COL18A1: variants seen among roughly 807,000 people sequenced by gnomAD.
COL18A1 encodes collagen alpha-1(XVIII) chain.
A neutral mutation model predicts 168.0 loss-of-function variants in COL18A1; 133 were observed. The observed-to-expected ratio is 0.79, with a 90% CI of 0.69 to 0.91. COL18A1 has a LOEUF of 0.91. Ranked by LOEUF, COL18A1 falls within the 40% of genes least tolerant of loss-of-function variation. The pLI is 0.00. For synonymous variants in COL18A1, 949 were observed against 809.0 expected, an observed-to-expected ratio of 1.17 and a Z score of -2.94; for missense variants, 2,126 against 1,925.4, an observed-to-expected ratio of 1.10 and a Z score of -1.95.
chr21:45,467,472 A>G lies in COL18A1; in HGVS notation c.107-770A>G, dbSNP rs1030010022. The G allele has an allele frequency of 7.2e-6, 7 of 974,784 alleles. No homozygotes were observed. In the African/African-American group the frequency reaches 1.2e-4, roughly 17 times the overall value. 60.4% of individuals were successfully genotyped at this position (974,784 alleles called of 1,614,324 possible). ...AGGGGTGATTGTGGCCCCGAGGGGA[A>G]TCAGCATGGGGGGGATGGGGAGATA... On this transcript the variant is annotated intron_variant, in intron 2 of 41. Transcript: ENST00000651438.
intron 2 of COL18A1, among the ~76,000 whole-genome samples, chr21:45,465,873 G>A (rs961592214): frequency 6.6e-6 from 1 of 152,216 alleles, no homozygotes; most frequent in Non-Finnish European, 1.5e-5. Context: ...TCGGAGCCAC[G>A]GTGGCCGTGA....
chr21:45,414,696 G>A (rs569741866), intron 2 of COL18A1, among the ~76,000 whole-genome samples: 1 of 152,360 alleles, frequency 6.6e-6, no homozygotes, highest in East Asian at 1.9e-4. Context: ...TGAGAGGGCA[G>A]ACAGATGGAC....
chr21:45,476,261 G>T (rs552194957), intron 5 of COL18A1, 90 bp from the exon 6 acceptor site: 28 of 1,573,220 alleles, frequency 1.8e-5, no homozygotes, highest in Admixed American at 5.1e-5. Flanking sequence ...TCTTTCTTGC[G>T]ATCTTAAGTA....
chr21:45,444,233 G>T (rs142762620), intron 2 of COL18A1, among the ~76,000 whole-genome samples: 2 of 152,104 alleles, frequency 1.3e-5, no homozygotes, highest in Non-Finnish European at 2.9e-5. Context: ...GTTCTCCAGC[G>T]CATCTTCAGT....
chr21:45,482,665 CTA>C, intron 14 of COL18A1, 128 bp from the exon 15 acceptor site: 1 of 1,383,092 alleles, frequency 7.2e-7, no homozygotes. Flanking sequence ...GCCTCAGAAA[CTA>C]TTAAACCGGC....
rs754075778 is a variant in COL18A1 at position 45,405,398 on chromosome 21, C to T, written c.31C>T (p.Arg11Trp). The part of the protein sequence containing the change: MAPRCPWPWP[R>W]RRRLLDVLAP... ...GCGCAGGTGCCCCTGGCCATGGCCGCGGCGGCGGCGCCTCCTGGACGTGCT... is the reference window on the plus strand; with the variant it reads ...GCGCAGGTGCCCCTGGCCATGGCCGTGGCGGCGGCGCCTCCTGGACGTGCT... The change falls in exon 2 of 42, where the codon CGG becomes TGG. Residue 11 changes from arginine (R) to tryptophan (W), a missense_variant. Physicochemically the swap from Arg to Trp is moderately radical, Grantham distance 101 (BLOSUM62 -3). Coordinates refer to ENST00000651438, the MANE Select transcript of COL18A1 (RefSeq NM_001379500.1). The T allele has an allele frequency of 1.9e-5, 25 of 1,305,122 alleles. No homozygotes were observed. Among genetic ancestry groups the T allele is most frequent in the Middle Eastern group, 2.9e-4 (1 of 3,438 alleles). The allele number at this position is 1,305,122 out of a possible 1,614,324, so 80.8% of individuals were successfully genotyped here.
intron 2 of COL18A1, chr21:45,407,424 G>A (rs555719370): frequency 6.6e-6 from 1 of 152,376 alleles, no homozygotes; most frequent in South Asian, 2.1e-4. Flanking sequence ...GTGATGCTGA[G>A]GTTCTTGAAT....
At chr21:45,502,456 GAAC>G (rs754594590) in intron 32 of COL18A1, 5 of 152,144 alleles carry the variant, frequency 3.3e-5, no homozygotes, top group South Asian at 4.1e-4. Flanking sequence ...AGCATTTAAA[GAAC>G]AACAAACAGT....
At chr21:45,406,674 G>A (rs892136099) in intron 2 of COL18A1, among the ~76,000 whole-genome samples, 6 of 152,160 alleles carry the variant, frequency 3.9e-5, no homozygotes, top group Admixed American at 2.0e-4. Flanking sequence ...CGCCCACAGG[G>A]CCCAGACCAG....
chr21:45,427,899 A>G (rs1208104005), intron 2 of COL18A1, among the ~76,000 whole-genome samples: 1 of 151,910 alleles, frequency 6.6e-6, no homozygotes, highest in Non-Finnish European at 1.5e-5. Context: ...TGACTCATAC[A>G]CCCGGGGCCT....
intron 29 of COL18A1, chr21:45,495,651 C>G: frequency 1.8e-6 from 1 of 559,562 alleles, no homozygotes; most frequent in Non-Finnish European, 3.3e-6. Flanking sequence ...TGGCCGTACT[C>G]ATACATGTGT....
chr21:45,495,979 C>T (rs2036525887), intron 29 of COL18A1: 1 of 339,002 alleles, frequency 2.9e-6, no homozygotes, highest in Admixed American at 4.0e-5. Context: ...CATGCATACA[C>T]ACCAATACAC....
At chr21:45,503,007 T>C (rs919987785) in intron 32 of COL18A1, 1 of 152,144 alleles carries the variant, frequency 6.6e-6, no homozygotes, top group Non-Finnish European at 1.5e-5. Flanking sequence ...AAGGCACCAT[T>C]GTGAATAATG....
chr21:45,459,379 C>T (rs942125047), intron 2 of COL18A1, among the ~76,000 whole-genome samples: 3 of 152,204 alleles, frequency 2.0e-5, no homozygotes, highest in Non-Finnish European at 4.4e-5. Flanking sequence ...GGCACCAGAA[C>T]AGAGCCCTCG....
intron 20 of COL18A1, among the ~76,000 whole-genome samples, 176 bp from the exon 21 acceptor site, chr21:45,490,660 G>A (rs868647883): frequency 1.3e-5 from 2 of 149,126 alleles, no homozygotes; most frequent in East Asian, 4.0e-4. Context: ...GCCCACTCCC[G>A]GAGCGCCAGG....
intron 37 of COL18A1, 101 bp downstream of exon 37, chr21:45,506,067 A>G (rs2146089569): frequency 3.9e-6 from 6 of 1,554,340 alleles, no homozygotes; most frequent in Non-Finnish European, 5.3e-6. Context: ...CAGGGATGGG[A>G]GCAGGTGGCA....
At chr21:45,494,967 G>A (rs2036482133) in intron 28 of COL18A1, 52 bp downstream of exon 28, 1 of 1,528,726 alleles carries the variant, frequency 6.5e-7, no homozygotes, top group South Asian at 1.2e-5. Flanking sequence ...TGGCAGGTGG[G>A]GAGCAGCCCA....
intron 37 of COL18A1, chr21:45,506,567 T>C (rs544257426): frequency 4.2e-4 from 79 of 186,340 alleles, no homozygotes; most frequent in Non-Finnish European, 7.8e-4. Flanking sequence ...GGTGCGGCCA[T>C]GCTTGCAGGG....
rs181884403 is a variant in COL18A1, at chr21:45,466,494, G to A, written c.107-1748G>A. On this transcript the variant is annotated intron_variant, in intron 2 of 41. Coordinates refer to ENST00000651438, the MANE Select transcript of COL18A1 (RefSeq NM_001379500.1). ...CCGGGAAGGCTGAGCTCTCGCACCC[G>A]GGAAGGCTGAGCTCTCGAAATGGGG... is the stretch of plus-strand genomic sequence containing the variant. Among the ~76,000 whole-genome samples, 164 of 152,308 alleles carry A rather than the reference G, an allele frequency of 1.1e-3. 1 individual carries two copies. Among genetic ancestry groups the A allele is most frequent in the African/African-American group, 3.6e-3 (148 of 41,574 alleles).
Sources: allele counts gnomAD v4.1 joint callset (sites outside exome capture counted in the v4.1 genomes callset), GRCh38; gene constraint gnomAD v4.1.1; transcripts MANE v1.5; gene names NCBI Gene and HGNC (gene_info 2026-07-23, HGNC 2026-07-21).